DACH1: variants seen among roughly 807,000 people sequenced by gnomAD.
The protein encoded by DACH1 is dachshund family transcription factor 1.
In DACH1, 12 loss-of-function variants were observed where a neutral mutation model predicts 54.2. The ratio of observed to expected loss-of-function variants is 0.22; its 90% CI spans 0.14 to 0.36. The LOEUF is 0.36. DACH1 is among the 10% of genes least tolerant of loss of function. The pLI, the probability that DACH1 is intolerant of heterozygous loss-of-function variation, is 1.00. For synonymous variants in DACH1, 386 were observed against 366.2 expected (o/e 1.05, Z -0.62); for missense variants, 805 against 929.8 (o/e 0.87, Z 1.75).
intron 6 of DACH1, among the ~76,000 whole-genome samples, chr13:71,490,687 G>A (rs1878905327): frequency 6.6e-6 from 1 of 152,190 alleles, no homozygotes; most frequent in African/African-American, 2.4e-5. Context: ...TGTGAGCAAG[G>A]TGATCTTGGA....
chr13:71,521,626 G>C (rs1383973374), intron 6 of DACH1, among the ~76,000 whole-genome samples: 1 of 152,054 alleles, frequency 6.6e-6, no homozygotes, highest in Admixed American at 6.6e-5. Context: ...TTGACACTAT[G>C]AAGCCATAAT....
chr13:71,643,491 T>C (rs975752106), intron 2 of DACH1, among the ~76,000 whole-genome samples: 1 of 152,194 alleles, frequency 6.6e-6, no homozygotes, highest in Non-Finnish European at 1.5e-5. Context: ...AAGCAATAGA[T>C]TCTCAGTCCA....
chr13:71,441,267 A>C (rs1873984173), intron 10 of DACH1, among the ~76,000 whole-genome samples: 2 of 152,106 alleles, frequency 1.3e-5, no homozygotes, highest in African/African-American at 4.8e-5. Flanking sequence ...AAATGTAAAC[A>C]CTGTATATTA....
At chr13:71,710,967 T>C (rs1349244786) in intron 1 of DACH1, among the ~76,000 whole-genome samples, 1 of 152,136 alleles carries the variant, frequency 6.6e-6, no homozygotes, top group African/African-American at 2.4e-5. Context: ...GGGGCATGAA[T>C]GGATCAAACA....
At chr13:71,727,647 A>G (rs1883535280) in intron 1 of DACH1, among the ~76,000 whole-genome samples, 4 of 152,226 alleles carry the variant, frequency 2.6e-5, no homozygotes, top group East Asian at 1.9e-4. Flanking sequence ...AAATGAGGAC[A>G]TGGAAAAGGA....
intron 7 of DACH1, 54 bp downstream of exon 7, chr13:71,488,943 A>C: frequency 4.5e-6 from 7 of 1,552,794 alleles, no homozygotes; most frequent in South Asian, 2.5e-5. Context: ...GGAAAAAAAA[A>C]ATCTACAACA....
intron 2 of DACH1, among the ~76,000 whole-genome samples, chr13:71,651,558 T>C (rs1878669177): frequency 6.6e-6 from 1 of 151,660 alleles, no homozygotes; most frequent in Non-Finnish European, 1.5e-5. Context: ...CTACTTGGGA[T>C]ACTGAGGTGG....
chr13:71,464,275 C>T (rs1876358843), intron 10 of DACH1, among the ~76,000 whole-genome samples: 1 of 151,580 alleles, frequency 6.6e-6, no homozygotes, highest in Non-Finnish European at 1.5e-5. Context: ...AACTAAATCG[C>T]TGTATGTATT....
intron 1 of DACH1, among the ~76,000 whole-genome samples, chr13:71,823,271 T>C (rs1888261450): frequency 1.3e-5 from 2 of 152,060 alleles, no homozygotes; most frequent in South Asian, 4.1e-4. Flanking sequence ...TCAGAGTTAT[T>C]CTATTATTAA....
intron 1 of DACH1, among the ~76,000 whole-genome samples, chr13:71,737,093 A>T (rs1449757468): frequency 6.6e-6 from 1 of 152,014 alleles, no homozygotes; most frequent in Non-Finnish European, 1.5e-5. Flanking sequence ...TCTACTAAAA[A>T]TACAAAAATT....
intron 10 of DACH1, among the ~76,000 whole-genome samples, chr13:71,445,298 G>T (rs1166486857): frequency 6.6e-6 from 1 of 152,122 alleles, no homozygotes; most frequent in Non-Finnish European, 1.5e-5. Context: ...TCTTAGATTT[G>T]TAAAATATAC....
At chr13:71,783,988 A>C (rs1445100994) in intron 1 of DACH1, among the ~76,000 whole-genome samples, 9 of 151,518 alleles carry the variant, frequency 5.9e-5, no homozygotes, top group African/African-American at 2.2e-4. Context: ...AAACAAAAAA[A>C]AAACTAAAGA....
intron 7 of DACH1, among the ~76,000 whole-genome samples, chr13:71,479,641 A>G (rs545335662): frequency 2.0e-5 from 3 of 152,298 alleles, no homozygotes; most frequent in African/African-American, 4.8e-5. Flanking sequence ...TGTCTAAAAA[A>G]TAAGAACTGA....
At chr13:71,548,216 T>C (rs373933424) in intron 6 of DACH1, among the ~76,000 whole-genome samples, 75 of 152,294 alleles carry the variant, frequency 4.9e-4, no homozygotes, top group African/African-American at 1.6e-3. Flanking sequence ...AAAACTTTGT[T>C]TGTAGAAAAG....
intron 1 of DACH1, among the ~76,000 whole-genome samples, chr13:71,829,946 T>C (rs537646154): frequency 2.6e-5 from 4 of 151,986 alleles, no homozygotes; most frequent in African/African-American, 9.6e-5. Flanking sequence ...GAAATTCCAG[T>C]GTTAGATGGT....
chr13:71,537,093 C>T (rs1390728036), intron 6 of DACH1, among the ~76,000 whole-genome samples: 1 of 152,064 alleles, frequency 6.6e-6, no homozygotes, highest in African/African-American at 2.4e-5. Context: ...ACTTCCCTAC[C>T]TCCCTGAATT....
rs9564851 is a variant in DACH1 at position 71,842,394 on chromosome 13, G to A, written c.848+23528C>T. On this transcript the variant is annotated intron_variant, in intron 1 of 10. Transcript: ENST00000613252. Reference sequence around the variant, plus strand: ...GTTCAAGACCAGCCTGGGCAAAATGGCAAAAACCCCATTTCTATTAAAAAA... The same window carrying A: ...GTTCAAGACCAGCCTGGGCAAAATGACAAAAACCCCATTTCTATTAAAAAA... Among the ~76,000 whole-genome samples, 8,440 of 149,446 alleles carry A rather than the reference G, an allele frequency of 0.056. 994 individuals carry two copies. The East Asian group carries it at 0.57, about 10-fold the overall frequency.
intron 1 of DACH1, among the ~76,000 whole-genome samples, chr13:71,851,328 A>G (rs1232290588): frequency 2.0e-5 from 3 of 152,174 alleles, no homozygotes; most frequent in Admixed American, 1.3e-4. Context: ...GTTTAAACAC[A>G]TTTTATAATT....
chr13:71,564,443 A>G (rs1884782197), intron 4 of DACH1, among the ~76,000 whole-genome samples: 3 of 151,930 alleles, frequency 2.0e-5, no homozygotes, highest in African/African-American at 7.2e-5. Context: ...ACAATAATAA[A>G]TGAAAATTTA....
Sources: gnomAD v4.1 joint callset for allele counts (sites outside exome capture counted in the v4.1 genomes callset) on GRCh38, gnomAD v4.1.1 for gene constraint, MANE v1.5 for transcripts, NCBI Gene and HGNC (gene_info 2026-07-23, HGNC 2026-07-21) for gene names.